The following RADIL variants were observed in gnomAD, a reference collection of about 807,000 sequenced individuals.
RADIL encodes the protein ras-associating and dilute domain-containing protein.
Under a neutral mutation model 97.6 loss-of-function variants are expected in RADIL, and 99 were observed. That is an observed-to-expected ratio of 1.01 (90% CI 0.86 to 1.20). The LOEUF is 1.20. Among genes scored for constraint, RADIL ranks in the 50% most tolerant of loss-of-function variants. The pLI is 0.00. For synonymous variants in RADIL, 803 were observed against 691.8 expected, an observed-to-expected ratio of 1.16 and a Z score of -2.52; for missense variants, 1,765 against 1,498.9, an observed-to-expected ratio of 1.18 and a Z score of -2.93.
In RADIL at chr7:4,880,828, A is replaced by C. The variant is rs185072631; in HGVS notation, c.-64-2625T>G. ...GGCAGGAGAAAGCCCATATCACAGA[A>C]AAGTCATGAAGCAGAGCCAAGTATT... On this transcript the variant is annotated intron_variant, in intron 1 of 14. Coordinates refer to ENST00000399583, the MANE Select transcript of RADIL (RefSeq NM_018059.5). This position sits in a 1 kb window ranked among gnomAD's most constrained non-coding sequence, Gnocchi z 4.5. 8.3e-4 allele frequency among the ~76,000 whole-genome samples: 127 copies of C among 152,360 alleles called. No individual in the cohort carries two copies. The highest frequency in any genetic ancestry group is 3.0e-3 in the African/African-American group (123 of 41,592).
intron 2 of RADIL, chr7:4,859,853 G>T: frequency 2.2e-6 from 3 of 1,345,506 alleles, no homozygotes; most frequent in Non-Finnish European, 3.1e-6. Flanking sequence ...TGGTTTTCTT[G>T]GTCCTTTCTT....
chr7:4,804,954 C>T (rs568819207), intron 10 of RADIL, among the ~76,000 whole-genome samples: 10 of 151,824 alleles, frequency 6.6e-5, no homozygotes, highest in Middle Eastern at 3.4e-3. Context: ...ATTAGTTGGG[C>T]GTGGTGGCGG....
Position 4,879,227 on chromosome 7 carries a change from C to G in RADIL, c.-64-1024G>C, listed in dbSNP as rs185887104. Among the ~76,000 whole-genome samples the G allele has an allele frequency of 4.3e-4, 65 of 152,362 alleles. No individual in the cohort carries two copies. Among genetic ancestry groups the G allele is most frequent in the Middle Eastern group, 3.4e-3 (1 of 294 alleles). Reference sequence around the variant, plus strand: ...GTCTCCTGGGGAAACGGGAAAACAGCCTGGGACGCGTTGGCGTGTCATACA... The same window carrying G: ...GTCTCCTGGGGAAACGGGAAAACAGGCTGGGACGCGTTGGCGTGTCATACA... On this transcript the variant is annotated intron_variant, in intron 1 of 14. Coordinates refer to ENST00000399583, the MANE Select transcript of RADIL (RefSeq NM_018059.5). This position sits in a 1 kb window ranked among gnomAD's most constrained non-coding sequence, Gnocchi z 4.1.
At chr7:4,846,718 G>T (rs529693635) in intron 2 of RADIL, among the ~76,000 whole-genome samples, 3 of 150,706 alleles carry the variant, frequency 2.0e-5, no homozygotes, top group Non-Finnish European at 3.0e-5. Flanking sequence ...GCTAATTTTC[G>T]TATTTTTAGT....
At chr7:4,801,337 C>A (rs1178004078) in intron 12 of RADIL, among the ~76,000 whole-genome samples, 1 of 152,224 alleles carries the variant, frequency 6.6e-6, no homozygotes, top group Non-Finnish European at 1.5e-5. Flanking sequence ...TCAGCACATC[C>A]TCTCCACTGG....
chr7:4,808,883 C>T, intron 9 of RADIL: 2 of 931,570 alleles, frequency 2.1e-6, no homozygotes, highest in Non-Finnish European at 2.5e-6. Flanking sequence ...CCTTCCAACG[C>T]CACTGCCCCC....
At chr7:4,800,136 G>A (rs756137409) in intron 13 of RADIL, 35 bp downstream of exon 13, 3 of 1,559,238 alleles carry the variant, frequency 1.9e-6, no homozygotes, top group East Asian at 2.3e-5. Context: ...CAGGCAGCCA[G>A]TATGGGGGTG....
chr7:4,877,433 T>C (rs1035876132), intron 2 of RADIL, among the ~76,000 whole-genome samples, 172 bp downstream of exon 2: 8 of 152,212 alleles, frequency 5.3e-5, no homozygotes, highest in African/African-American at 1.9e-4. Flanking sequence ...AGACCCTGTC[T>C]CAGAGAACAA....
intron 2 of RADIL, among the ~76,000 whole-genome samples, chr7:4,843,003 ATTTTTTTT>A (rs376252570): frequency 7.1e-5 from 9 of 127,342 alleles, no homozygotes; most frequent in African/African-American, 2.2e-4. Context: ...GCAAGAGACA[ATTTTTTTT>A]TTTTTTTTTT....
Position 4,836,559 on chromosome 7 carries a change from T to G in RADIL, c.582A>C (p.Gly194=). ...ARRLQRSRAK[G]TPTPALGDAR... ...CATCCCCCAGGGCCGGGGTCGGGGT[T>G]CCCTTCGCGCGACTCCGCTGCAGCC... Residue 194 remains glycine, a synonymous_variant, in exon 3 of 15, where the codon GGA becomes GGC. Coordinates refer to ENST00000399583, the MANE Select transcript of RADIL (RefSeq NM_018059.5). 1.2e-6 allele frequency: 2 copies of G among 1,607,614 alleles called. No individual in the cohort carries two copies. Among genetic ancestry groups the G allele is most frequent in the Non-Finnish European group, 1.7e-6 (2 of 1,179,440 alleles).
At position 4,879,143 on chromosome 7, in the gene RADIL, G is replaced by T. The variant is rs549383896; in HGVS notation, c.-64-940C>A. On this transcript the variant is annotated intron_variant, in intron 1 of 14. Coordinates refer to ENST00000399583, the MANE Select transcript of RADIL (RefSeq NM_018059.5). The surrounding 1 kb of genome is among the most constrained non-coding windows in gnomAD (Gnocchi z 4.1). ...GAGCCGGTGCAGGCATGGCCGGAAT[G>T]CAGGCGTCCCGCCCACCACAGGCCG... Among the ~76,000 whole-genome samples, 37 of 152,368 alleles carry T rather than the reference G, an allele frequency of 2.4e-4. No homozygotes were observed. Among genetic ancestry groups the T allele is most frequent in the African/African-American group, 8.2e-4 (34 of 41,592 alleles).
chr7:4,810,324 A>T (rs959789397), intron 9 of RADIL, among the ~76,000 whole-genome samples: 19 of 151,650 alleles, frequency 1.3e-4, no homozygotes, highest in African/African-American at 3.6e-4. Flanking sequence ...TGGCTAATTT[A>T]AAAAAAAATT....
chr7:4,843,574 A>C (rs1341920790), intron 2 of RADIL, among the ~76,000 whole-genome samples: 1 of 151,932 alleles, frequency 6.6e-6, no homozygotes, highest in Non-Finnish European at 1.5e-5. Context: ...GGCCAGCCTG[A>C]CTCTGGGCAT....
chr7:4,846,728 T>C (rs1413605163), intron 2 of RADIL, among the ~76,000 whole-genome samples: 1 of 151,234 alleles, frequency 6.6e-6, no homozygotes, highest in African/African-American at 2.4e-5. Flanking sequence ...GTATTTTTAG[T>C]AGAGATGGGG....
rs1784289572 is a variant in RADIL at position 4,872,974 on chromosome 7, G to A, written c.535+4631C>T. ...TTCTTTTGAGTCAGAGTCTCGCTCT[G>A]TCACCCAGGCTGGAGTGCAGTGGTG... On this transcript the variant is annotated intron_variant, in intron 2 of 14. Coordinates refer to ENST00000399583, the MANE Select transcript of RADIL (RefSeq NM_018059.5). This position sits in a 1 kb window ranked among gnomAD's most constrained non-coding sequence, Gnocchi z 5.8. Among the ~76,000 whole-genome samples the A allele has an allele frequency of 6.6e-6, 1 of 152,216 alleles. No individual in the cohort carries two copies. The highest frequency in any genetic ancestry group is 2.4e-5 in the African/African-American group (1 of 41,454).
chr7:4,861,119 C>T, intron 2 of RADIL: 3 of 1,614,204 alleles, frequency 1.9e-6, no homozygotes, highest in Non-Finnish European at 2.5e-6. Context: ...GCACTTGGCC[C>T]ACAGTTTGAT....
chr7:4,866,464 A>T (rs895888353), intron 2 of RADIL, among the ~76,000 whole-genome samples: 2 of 151,922 alleles, frequency 1.3e-5, no homozygotes, highest in African/African-American at 4.8e-5. Flanking sequence ...CAAAAAAAAT[A>T]TTTCTCATCC....
rs889461272 is a variant in RADIL at position 4,872,256 on chromosome 7, G to T, written c.535+5349C>A. 6.6e-6 allele frequency among the ~76,000 whole-genome samples: 1 copy of T among 152,220 alleles called. No homozygotes were observed. Among genetic ancestry groups the T allele is most frequent in the African/African-American group, 2.4e-5 (1 of 41,452 alleles). On this transcript the variant is annotated intron_variant, in intron 2 of 14. Transcript: ENST00000399583. This position sits in a 1 kb window ranked among gnomAD's most constrained non-coding sequence, Gnocchi z 5.8. ...GCCATGTCTGCAGACATCTTTGGTT[G>T]TTACAACTTGGGGGTGGGGGCACAG...
At chr7:4,859,527 T>G (rs1212663713) in intron 2 of RADIL, 1 of 200,568 alleles carries the variant, frequency 5.0e-6, no homozygotes, top group African/African-American at 2.4e-5. Context: ...CAAGACTGGC[T>G]CAGTAAAGGA....
Sources: gnomAD v4.1 joint callset for allele counts (sites outside exome capture counted in the v4.1 genomes callset) on GRCh38, gnomAD v4.1.1 for gene constraint, Gnocchi (gnomAD v3.1) non-coding constraint, MANE v1.5 for transcripts, NCBI Gene and HGNC (gene_info 2026-07-23, HGNC 2026-07-21) for gene names.